TENT2: variants seen among roughly 807,000 people sequenced by gnomAD.
TENT2 encodes the protein terminal nucleotidyltransferase 2, also known as poly(A) RNA polymerase GLD2.
TENT2 carries 44 observed loss-of-function variants against 72.2 expected under a neutral mutation model. The observed-to-expected ratio is 0.61, with a 90% CI of 0.48 to 0.78. TENT2 has a LOEUF of 0.78. TENT2 is among the 30% of genes least tolerant of loss of function. The probability of loss-of-function intolerance (pLI) is 0.00; values close to 1 mark genes in which losing one functional copy is unlikely to be tolerated. For missense variants in TENT2, 541 were observed against 569.6 expected (o/e 0.95, Z 0.51); for synonymous variants, 212 against 192.5 (o/e 1.10, Z -0.84).
At chr5:79,643,044 A>G in intron 7 of TENT2, 134 bp downstream of exon 7, 7 of 1,182,424 alleles carry the variant, frequency 5.9e-6, no homozygotes, top group South Asian at 3.1e-5. Flanking sequence ...TTCCAAATGA[A>G]TTTCTTTTAA....
At chr5:79,679,693 C>G (rs754934298) in intron 13 of TENT2, 23 bp downstream of exon 13, 4 of 1,375,104 alleles carry the variant, frequency 2.9e-6, no homozygotes, top group Non-Finnish European at 4.0e-6. Flanking sequence ...TTACCATCTA[C>G]GTATCATCAT....
At chr5:79,646,942 T>C (rs1289669538) in intron 8 of TENT2, among the ~76,000 whole-genome samples, 1 of 151,996 alleles carries the variant, frequency 6.6e-6, no homozygotes, top group Non-Finnish European at 1.5e-5. Flanking sequence ...TTAATTTTTG[T>C]ATTTTTGGTA....
chr5:79,667,009 G>A (rs769294904), intron 11 of TENT2, among the ~76,000 whole-genome samples: 11 of 152,232 alleles, frequency 7.2e-5, no homozygotes, highest in East Asian at 5.8e-4. Context: ...GTGTGTGACC[G>A]TGAAAAAGAA....
intron 11 of TENT2, among the ~76,000 whole-genome samples, chr5:79,664,820 T>C (rs1806080900): frequency 6.6e-6 from 1 of 152,128 alleles, no homozygotes; most frequent in Non-Finnish European, 1.5e-5. Context: ...CTTACAACCA[T>C]CTGAGTATTT....
At chr5:79,620,156 T>A in intron 3 of TENT2, 73 bp downstream of exon 3, 1 of 993,622 alleles carries the variant, frequency 1.0e-6, no homozygotes, top group Non-Finnish European at 1.5e-6. Context: ...TATCTTGAAT[T>A]AATATTGTAT....
chr5:79,674,819 G>T (rs1490256986), intron 12 of TENT2, among the ~76,000 whole-genome samples: 1 of 152,154 alleles, frequency 6.6e-6, no homozygotes, highest in African/African-American at 2.4e-5. Flanking sequence ...TAGGAAGAAA[G>T]AATCATTGAG....
chr5:79,652,751 A>G (rs1426746111), intron 10 of TENT2, among the ~76,000 whole-genome samples: 1 of 152,074 alleles, frequency 6.6e-6, no homozygotes, highest in Non-Finnish European at 1.5e-5. Flanking sequence ...GAAACATATG[A>G]CATTGGCTGT....
intron 10 of TENT2, among the ~76,000 whole-genome samples, chr5:79,650,279 T>G (rs1253138161): frequency 1.3e-5 from 2 of 152,132 alleles, no homozygotes; most frequent in Non-Finnish European, 2.9e-5. Context: ...GATCTGAGAA[T>G]ACAGCAGTGA....
At chr5:79,685,100 T>C in intron 14 of TENT2, 99 bp from the exon 15 acceptor site, 5 of 928,618 alleles carry the variant, frequency 5.4e-6, no homozygotes, top group Non-Finnish European at 5.0e-6. Context: ...TCAAAATTTA[T>C]CACCTAGAGA....
At position 79,642,822 on chromosome 5, in the gene TENT2, A is replaced by G. The variant is rs774930513; in HGVS notation, c.673-10A>G. The G allele has an allele frequency of 8.8e-6, 14 of 1,599,738 alleles. No individual in the cohort carries two copies. The highest frequency in any genetic ancestry group is 1.8e-4 in the Middle Eastern group (1 of 5,586). ...GATAATGAAAAAACACTTTATTTTT[A>G]ACTTTTCAGTGTTTTTTTCAGGTAA... On this transcript the variant is annotated splice_polypyrimidine_tract_variant and intron_variant, in intron 6 of 14. Transcript: ENST00000453514.
At chr5:79,678,302 C>T (rs553119505) in intron 12 of TENT2, among the ~76,000 whole-genome samples, 1 of 151,928 alleles carries the variant, frequency 6.6e-6, no homozygotes, top group South Asian at 2.1e-4. Context: ...CCATACAGGA[C>T]CCATGATTAT....
intron 4 of TENT2, among the ~76,000 whole-genome samples, chr5:79,633,568 C>T (rs1187570603): frequency 6.6e-6 from 1 of 151,082 alleles, no homozygotes; most frequent in Non-Finnish European, 1.5e-5. Context: ...AGGCATGCGC[C>T]ACCATGCCCG....
chr5:79,622,170 G>A (rs1407240285), intron 3 of TENT2, among the ~76,000 whole-genome samples: 2 of 151,802 alleles, frequency 1.3e-5, no homozygotes, highest in South Asian at 2.1e-4. Context: ...GCATCGTGGC[G>A]GGCGCCTGTA....
chr5:79,680,276 T>A (rs1276446118), intron 13 of TENT2, among the ~76,000 whole-genome samples: 3 of 152,182 alleles, frequency 2.0e-5, no homozygotes, highest in Non-Finnish European at 4.4e-5. Context: ...AGATTTTGGA[T>A]GTTTTAATCT....
intron 1 of TENT2, among the ~76,000 whole-genome samples, chr5:79,619,285 A>T (rs539835974): frequency 2.0e-5 from 3 of 152,222 alleles, no homozygotes; most frequent in African/African-American, 7.2e-5. Flanking sequence ...AATAAATGTA[A>T]TAATCTGTGG....
chr5:79,656,668 G>A (rs1309797192), intron 10 of TENT2, among the ~76,000 whole-genome samples: 1 of 151,734 alleles, frequency 6.6e-6, no homozygotes, highest in East Asian at 1.9e-4. Flanking sequence ...GTCTGATGTT[G>A]GACAAATTAT....
chr5:79,643,274 T>G (rs1785875145), intron 7 of TENT2, among the ~76,000 whole-genome samples: 1 of 152,188 alleles, frequency 6.6e-6, no homozygotes, highest in Non-Finnish European at 1.5e-5. Flanking sequence ...ACTTTATATG[T>G]GTGAGAGAGA....
chr5:79,621,995 AG>A (rs1025042435), intron 3 of TENT2, among the ~76,000 whole-genome samples: 1 of 151,888 alleles, frequency 6.6e-6, no homozygotes, highest in Non-Finnish European at 1.5e-5. Flanking sequence ...ATAATCCCAA[AG>A]GAGTGTTAAA....
At chr5:79,636,921 CTT>C (rs1264440849) in intron 4 of TENT2, among the ~76,000 whole-genome samples, 1 of 152,048 alleles carries the variant, frequency 6.6e-6, no homozygotes, top group Non-Finnish European at 1.5e-5. Flanking sequence ...AGTGAATTAT[CTT>C]TTTAGAAAAT....
Sources: gnomAD v4.1 joint callset for allele counts (sites outside exome capture counted in the v4.1 genomes callset) on GRCh38, gnomAD v4.1.1 for gene constraint, MANE v1.5 for transcripts, NCBI Gene and HGNC (gene_info 2026-07-23, HGNC 2026-07-21) for gene names.